RYR1: variants seen among roughly 807,000 people sequenced by gnomAD.
RYR1 encodes central core disease of muscle.
RYR1 carries 342 observed loss-of-function variants against 583.5 expected under a neutral mutation model. The observed-to-expected ratio is 0.59, with a 90% CI of 0.54 to 0.64. The LOEUF is 0.64. Ranked by LOEUF, RYR1 falls within the 30% of genes least tolerant of loss-of-function variation. The pLI is 0.00. For missense variants in RYR1, 6,032 were observed against 6,917.2 expected (o/e 0.87, Z 4.54); for synonymous variants, 2,791 against 2,822.5 (o/e 0.99, Z 0.35).
intron 101 of RYR1, 140 bp from the exon 102 acceptor site, chr19:38,584,803 C>T (rs1283630842): frequency 2.4e-5 from 23 of 942,120 alleles, no homozygotes; most frequent in South Asian, 5.7e-5. Flanking sequence ...TGTCTGATGC[C>T]GTATCTGTGA....
rs867844360 is a variant in RYR1 at position 38,460,439 on chromosome 19, C to T, written c.2425C>T (p.Pro809Ser). ...GTTCCTGCCCCCACCTGGCTATGCT[C>T]CATGCCATGAGGCTGTGCTCCCTCG... ...FKFLPPPGYAPCHEAVLPRER... is the reference protein window; with the variant it reads ...FKFLPPPGYASCHEAVLPRER... Residue 809 changes from proline (P) to serine (S), a missense_variant, in exon 20 of 106, where the codon CCA becomes TCA. Physicochemically the swap from Pro to Ser is moderately conservative, Grantham distance 74 (BLOSUM62 -1). Transcript: ENST00000359596. The T allele has an allele frequency of 6.2e-7, 1 of 1,614,234 alleles. No homozygotes were observed. The highest frequency in any genetic ancestry group is 8.5e-7 in the Non-Finnish European group (1 of 1,180,048).
In RYR1 at chr19:38,565,728, C is replaced by T; in HGVS notation, c.13394C>T (p.Pro4465Leu). Residue 4465 changes from proline (P) to leucine (L), a missense_variant, in exon 91 of 106, where the codon CCG becomes CTG. Physicochemically the swap from Pro to Leu is moderately conservative, Grantham distance 98. Around this residue, in one of 11 missense-constraint regions of RYR1, gnomAD observed 753 missense variants for 759.6 expected, o/e 0.99. Transcript: ENST00000359596. This position sits in a 1 kb window ranked among gnomAD's most constrained non-coding sequence, Gnocchi z 4.7. ...ATGGGGGACACGACGCCTGCGGAAC[C>T]GCCCACACCCGAGGGCTCTCCCATC... Reference protein sequence around the residue: ...GDMGDTTPAEPPTPEGSPILK... With the variant: ...GDMGDTTPAELPTPEGSPILK... 1.4e-6 allele frequency: 2 copies of T among 1,429,544 alleles called. No homozygotes were observed. The highest frequency in any genetic ancestry group is 1.8e-6 in the Non-Finnish European group (2 of 1,099,740). 88.6% of individuals were successfully genotyped at this position (1,429,544 alleles called of 1,614,324 possible). A position where few individuals can be genotyped will look rare whatever the true frequency, so the allele number is the denominator to read the frequency against.
intron 99 of RYR1, among the ~76,000 whole-genome samples, chr19:38,579,410 C>T (rs1391046568): frequency 7.2e-6 from 1 of 139,122 alleles, no homozygotes; most frequent in African/African-American, 2.8e-5. Context: ...GGGCAACAGA[C>T]TAAGACTCCA....
At chr19:38,552,380 G>A (rs948166211) in intron 89 of RYR1, among the ~76,000 whole-genome samples, 3 of 151,446 alleles carry the variant, frequency 2.0e-5, no homozygotes, top group African/African-American at 4.9e-5. Context: ...TTAGCTTCCC[G>A]AGTAGCTGGA....
chr19:38,537,456 C>A (rs1271097409), intron 83 of RYR1, among the ~76,000 whole-genome samples: 1 of 152,168 alleles, frequency 6.6e-6, no homozygotes, highest in Non-Finnish European at 1.5e-5. Flanking sequence ...GCCCAATCTT[C>A]CCCTGCCCAG....
At chr19:38,555,208 T>C (rs1046322486) in intron 89 of RYR1, among the ~76,000 whole-genome samples, 22 of 152,160 alleles carry the variant, frequency 1.4e-4, no homozygotes, top group African/African-American at 5.1e-4. Flanking sequence ...CCCAGTACTT[T>C]GGGAGGTCCA....
Position 38,534,785 on chromosome 19 carries a change from C to T in RYR1, c.11325C>T (p.Ala3775=), listed in dbSNP as rs1971892935. 5 of 1,613,652 alleles carry T rather than the reference C, an allele frequency of 3.1e-6. No individual in the cohort carries two copies. The highest frequency in any genetic ancestry group is 4.5e-5 in the East Asian group (2 of 44,864). Residue 3775 remains alanine, a synonymous_variant, in exon 79 of 106, where the codon GCC becomes GCT. Coordinates refer to ENST00000359596, the MANE Select transcript of RYR1 (RefSeq NM_000540.3). ...QQARLHTRGA[A]EMVLQMISAC... ...CACGGCTGCACACCCGGGGGGCGGC[C>T]GAGATGGTGCTGCAGATGATCAGTG... is the stretch of plus-strand genomic sequence containing the variant.
rs755817558 is a variant in RYR1, at chr19:38,444,271, T to C, written c.537+10T>C. 6.2e-7 allele frequency: 1 copy of C among 1,603,430 alleles called. No individual in the cohort carries two copies. Among genetic ancestry groups the C allele is most frequent in the Non-Finnish European group, 8.5e-7 (1 of 1,170,630 alleles). On this transcript the variant is annotated intron_variant, in intron 6 of 105. Transcript: ENST00000359596. The surrounding 1 kb of genome is among the most constrained non-coding windows in gnomAD (Gnocchi z 5.1). ...CTCCGAGCGCTACCTGGTGAGCCAT[T>C]GCGGTTCCTCCTGCTCCCAGGTCTG...
intron 28 of RYR1, among the ~76,000 whole-genome samples, chr19:38,474,725 C>T (rs1392863828): frequency 6.6e-6 from 1 of 151,508 alleles, no homozygotes; most frequent in African/African-American, 2.4e-5. Context: ...CAGGTGTGTG[C>T]CACCACACCC....
In RYR1 at chr19:38,515,052, C is replaced by A. The variant is rs1171637302; in HGVS notation, c.9499C>A (p.Arg3167=). Residue 3167 remains arginine (R), a synonymous_variant, in exon 64 of 106, where the codon CGA becomes AGA. Transcript: ENST00000359596. ...ILDDVQVSCY[R]TLCSIYSLGT... is the part of the protein sequence containing the mutation. Reference sequence around the variant, plus strand: ...GGACGACGTCCAGGTCTCTTGCTACCGAACGCTGTGCAGTATCTACTCCCT... The same window carrying A: ...GGACGACGTCCAGGTCTCTTGCTACAGAACGCTGTGCAGTATCTACTCCCT... 1.9e-6 allele frequency: 3 copies of A among 1,613,568 alleles called. No individual in the cohort carries two copies. Among genetic ancestry groups the A allele is most frequent in the Admixed American group, 1.7e-5 (1 of 59,944 alleles).
intron 78 of RYR1, among the ~76,000 whole-genome samples, chr19:38,533,950 CAATAATGTGATATGGAATATACAGCAAT>C (rs1971852095): frequency 1.3e-5 from 2 of 148,858 alleles, no homozygotes; most frequent in Admixed American, 6.7e-5. Flanking sequence ...AATTCTGCAA[CAATAATGTGATATGGAATATACAGCAAT>C]AATAATGTGA....
Position 38,537,912 on chromosome 19 carries a change from C to T in RYR1, c.11641C>T (p.Gln3881Ter). Residue 3881 changes from glutamine to a stop codon, truncating the protein, a stop_gained, in exon 84 of 106, where the codon CAA (glutamine) becomes TAA (stop). Coordinates refer to ENST00000359596, the MANE Select transcript of RYR1 (RefSeq NM_000540.3). LOFTEE classifies it high-confidence loss of function. The part of the protein sequence containing the change: ...EKVMADDEFT[Q>*]DLFRFLQLLC... The stretch of plus-strand genomic sequence containing the variant: ...GGTCATGGCGGATGATGAATTCACA[C>T]AAGACCTGTTCCGATTCCTACAATT... 1.3e-6 allele frequency: 2 copies of T among 1,580,582 alleles called. No individual in the cohort carries two copies. The highest frequency in any genetic ancestry group is 1.1e-5 in the South Asian group (1 of 90,788).
chr19:38,506,242 G>A, intron 54 of RYR1, 61 bp from the exon 55 acceptor site: 2 of 1,553,572 alleles, frequency 1.3e-6, no homozygotes, highest in East Asian at 4.5e-5. Flanking sequence ...CTGGGGAGGG[G>A]CTGGCCTGGG....
intron 25 of RYR1, among the ~76,000 whole-genome samples, chr19:38,468,052 C>CCAT (rs1305484155): frequency 1.0e-4 from 3 of 29,364 alleles, no homozygotes; most frequent in East Asian, 1.5e-3. Flanking sequence ...CATCCATCAT[C>CCAT]CATCCATCCA....
At chr19:38,488,988 G>C (rs958728790) in intron 34 of RYR1, among the ~76,000 whole-genome samples, 189 bp from the exon 35 acceptor site, 1 of 152,130 alleles carries the variant, frequency 6.6e-6, no homozygotes, top group African/African-American at 2.4e-5. Flanking sequence ...CACAGGGTGT[G>C]GACCTGGGTG....
intron 87 of RYR1, among the ~76,000 whole-genome samples, chr19:38,545,879 C>T (rs140008110): frequency 3.3e-5 from 5 of 152,168 alleles, no homozygotes; most frequent in African/African-American, 1.2e-4. Flanking sequence ...TGTGACTCAA[C>T]CTAACATAAA....
chr19:38,553,689 A>C (rs926333953), intron 89 of RYR1, among the ~76,000 whole-genome samples: 2 of 152,156 alleles, frequency 1.3e-5, no homozygotes, highest in African/African-American at 4.8e-5. Flanking sequence ...GCAAGGCGTG[A>C]AGTGAGAAGT....
At chr19:38,508,275 T>G (rs10404448) in intron 58 of RYR1, among the ~76,000 whole-genome samples, 1 of 152,154 alleles carries the variant, frequency 6.6e-6, no homozygotes, top group Non-Finnish European at 1.5e-5. Flanking sequence ...AGTGGCACGG[T>G]CTCGGCTCAC....
chr19:38,480,366 A>G (rs1968948422), intron 31 of RYR1, among the ~76,000 whole-genome samples: 1 of 151,018 alleles, frequency 6.6e-6, no homozygotes, highest in Admixed American at 6.6e-5. Flanking sequence ...CTGGTCTCAA[A>G]CTCTTGGGCT....
Sources: allele counts gnomAD v4.1 joint callset (sites outside exome capture counted in the v4.1 genomes callset), GRCh38; gene constraint gnomAD v4.1.1; regional missense constraint gnomAD v4.1.1; non-coding constraint Gnocchi (gnomAD v3.1); transcripts MANE v1.5; gene names NCBI Gene and HGNC (gene_info 2026-07-23, HGNC 2026-07-21).